The following SETX variants were observed in gnomAD, a reference collection of about 807,000 sequenced individuals.
The protein encoded by SETX is senataxin, also known as helicase senataxin.
SETX carries 90 observed loss-of-function variants against 227.2 expected under a neutral mutation model. That is an observed-to-expected ratio of 0.40 (90% CI 0.33 to 0.47). The LOEUF is 0.47. Among genes scored for constraint, SETX ranks in the 20% least tolerant of loss-of-function variants. SETX has a pLI of 0.91. For missense variants in SETX, 3,052 were observed against 3,181.5 expected (o/e 0.96, Z 0.98); for synonymous variants, 1,210 against 1,113.2 (o/e 1.09, Z -1.73).
At chr9:132,287,965 G>A (rs1468273764) in intron 17 of SETX, among the ~76,000 whole-genome samples, 1 of 152,088 alleles carries the variant, frequency 6.6e-6, no homozygotes, top group South Asian at 2.1e-4. Context: ...ACTTGAGGCC[G>A]GGAGTTCGAG....
intron 2 of SETX, among the ~76,000 whole-genome samples, chr9:132,350,252 A>T (rs1007301930): frequency 1.3e-5 from 2 of 152,178 alleles, no homozygotes; most frequent in African/African-American, 2.4e-5. Context: ...TGGGAGGCTG[A>T]GGCAGGAGTA....
chr9:132,338,822 ATCAGGGT>A (rs568715494), intron 5 of SETX, among the ~76,000 whole-genome samples: 42 of 152,226 alleles, frequency 2.8e-4, no homozygotes, highest in African/African-American at 8.2e-4. Flanking sequence ...GCACTGGCAG[ATCAGGGT>A]TCACTGCAGC....
intron 10 of SETX, among the ~76,000 whole-genome samples, chr9:132,314,906 GTTTTTT>G (rs559979271): frequency 2.3e-4 from 20 of 88,496 alleles, no homozygotes; most frequent in African/African-American, 6.4e-4. Flanking sequence ...ATTTTATTGT[GTTTTTT>G]TTTTTTTTTT....
chr9:132,314,975 C>T (rs958209481), intron 10 of SETX, among the ~76,000 whole-genome samples: 3 of 141,308 alleles, frequency 2.1e-5, no homozygotes, highest in Non-Finnish European at 4.5e-5. Flanking sequence ...TACAGTGGCA[C>T]GATCTCAGCT....
At position 132,264,166 on chromosome 9, in the gene SETX, T is replaced by G; in HGVS notation, c.*73A>C. 5.0e-6 allele frequency: 8 copies of G among 1,603,050 alleles called. No individual in the cohort carries two copies. Among genetic ancestry groups the G allele is most frequent in the Non-Finnish European group, 6.8e-6 (8 of 1,175,772 alleles). On this transcript the variant is annotated 3_prime_UTR_variant, in exon 26 of 26. Transcript: ENST00000224140. Reference sequence around the variant, plus strand: ...ACTCCTTACAAAAAACAAGCTTATCTAGATGGTCCCACGAGCTGGTCATCT... The same window carrying G: ...ACTCCTTACAAAAAACAAGCTTATCGAGATGGTCCCACGAGCTGGTCATCT...
Position 132,328,864 on chromosome 9 carries a change from G to A in SETX, c.2734C>T (p.Pro912Ser). The change falls in exon 10 of 26, where the codon CCC becomes TCC. Residue 912 changes from proline (P) to serine (S), a missense_variant. Physicochemically the swap from Pro to Ser is moderately conservative, Grantham distance 74. Around this residue, in one of 10 missense-constraint regions of SETX, gnomAD observed 1,483 missense variants for 1,312.0 expected, o/e 1.13. Coordinates refer to ENST00000224140, the MANE Select transcript of SETX (RefSeq NM_015046.7). ...MTNASEKKSSPFKDLMTVPES... is the reference protein window; with the variant it reads ...MTNASEKKSSSFKDLMTVPES... The stretch of plus-strand genomic sequence containing the variant: ...GGTACAGTCATAAGATCTTTAAAGG[G>A]AGATGATTTCTTCTCTGAAGCATTG... The A allele has an allele frequency of 4.3e-6, 7 of 1,614,000 alleles. No homozygotes were observed. The highest frequency in any genetic ancestry group is 5.1e-6 in the Non-Finnish European group (6 of 1,179,976).
In SETX at chr9:132,316,787, C is replaced by T. The variant is rs374847501; in HGVS notation, c.5275-4931G>A. Among the ~76,000 whole-genome samples, 3 of 152,290 alleles carry T rather than the reference C, an allele frequency of 2.0e-5. No individual in the cohort carries two copies. In the East Asian group the frequency reaches 5.8e-4, roughly 29 times the overall value. The stretch of plus-strand genomic sequence containing the variant: ...GTCTCCCACTGTTTCTCCGGGTATC[C>T]GCCTGCCCCGTGCCACTCTCGTATG... On this transcript the variant is annotated intron_variant, in intron 10 of 25. Coordinates refer to ENST00000224140, the MANE Select transcript of SETX (RefSeq NM_015046.7).
chr9:132,352,227 T>TGC (rs1848639759), intron 2 of SETX, among the ~76,000 whole-genome samples: 1 of 152,192 alleles, frequency 6.6e-6, no homozygotes, highest in Non-Finnish European at 1.5e-5. Flanking sequence ...CATATGAAAA[T>TGC]GCTGCCCATC....
intron 6 of SETX, 84 bp from the exon 7 acceptor site, chr9:132,334,811 C>T: frequency 6.9e-7 from 1 of 1,459,214 alleles, no homozygotes; most frequent in Non-Finnish European, 9.6e-7. Flanking sequence ...AATAACAAGG[C>T]AGGAAGATGA....
Position 132,261,612 on chromosome 9 carries a change from T to G in SETX, c.*2627A>C, listed in dbSNP as rs1418324663. The G allele has an allele frequency of 6.5e-6, 1 of 152,830 alleles. No homozygotes were observed. The highest frequency in any genetic ancestry group is 1.5e-5 in the Non-Finnish European group (1 of 68,188). 9.5% of individuals were successfully genotyped at this position (152,830 alleles called of 1,614,324 possible). On this transcript the variant is annotated 3_prime_UTR_variant, in exon 26 of 26. Coordinates refer to ENST00000224140, the MANE Select transcript of SETX (RefSeq NM_015046.7). ...ATTCACAGCATAGAAAAGTCAAAGC[T>G]ATAGCAAAAAATTGCTAATCTGCAC... is the stretch of plus-strand genomic sequence containing the variant.
intron 10 of SETX, among the ~76,000 whole-genome samples, 177 bp downstream of exon 10, chr9:132,326,147 A>C (rs1846736367): frequency 6.6e-6 from 1 of 151,636 alleles, no homozygotes; most frequent in Non-Finnish European, 1.5e-5. Context: ...GGCTCACTGC[A>C]ACCTCCGCCT....
chr9:132,351,803 T>C (rs1378270303), intron 2 of SETX, among the ~76,000 whole-genome samples: 2 of 152,210 alleles, frequency 1.3e-5, no homozygotes, highest in African/African-American at 4.8e-5. Context: ...TCTATTTTGT[T>C]AGTTTCATCA....
chr9:132,311,956 T>C (rs895923557), intron 10 of SETX, 100 bp from the exon 11 acceptor site: 3 of 957,512 alleles, frequency 3.1e-6, no homozygotes, highest in African/African-American at 3.3e-5. Context: ...ATCCAGAAGC[T>C]AGAATCTAGG....
rs1489799507 is a variant in SETX at position 132,261,917 on chromosome 9, G to T, written c.*2322C>A. ...AGCCACACTTCACACCTTGTAAAAAGAATAGCCCTGTTCAACAACGCTGCG... is the reference window on the plus strand; with the variant it reads ...AGCCACACTTCACACCTTGTAAAAATAATAGCCCTGTTCAACAACGCTGCG... On this transcript the variant is annotated 3_prime_UTR_variant, in exon 26 of 26. Coordinates refer to ENST00000224140, the MANE Select transcript of SETX (RefSeq NM_015046.7). The T allele has an allele frequency of 6.5e-6, 1 of 154,398 alleles. No individual in the cohort carries two copies. The highest frequency in any genetic ancestry group is 1.5e-5 in the Non-Finnish European group (1 of 68,216). The allele number at this position is 154,398 out of a possible 1,614,324, so 9.6% of individuals were successfully genotyped here.
intron 3 of SETX, among the ~76,000 whole-genome samples, chr9:132,348,910 C>T (rs980188618): frequency 6.6e-6 from 1 of 152,128 alleles, no homozygotes; most frequent in East Asian, 1.9e-4. Flanking sequence ...GCCTGGGCAA[C>T]AGAGCAAAGA....
chr9:132,342,882 T>C, intron 4 of SETX, 83 bp from the exon 5 acceptor site: 2 of 1,009,364 alleles, frequency 2.0e-6, no homozygotes, highest in Middle Eastern at 2.4e-4. Flanking sequence ...GGCTATTCTG[T>C]AAATAAATAA....
At chr9:132,307,924 C>T (rs1174788011) in intron 11 of SETX, among the ~76,000 whole-genome samples, 1 of 152,026 alleles carries the variant, frequency 6.6e-6, no homozygotes, top group Non-Finnish European at 1.5e-5. Context: ...GGTGATCTGC[C>T]CCTCGGCCTC....
At chr9:132,274,069 G>A (rs1173817067) in intron 23 of SETX, among the ~76,000 whole-genome samples, 1 of 150,908 alleles carries the variant, frequency 6.6e-6, no homozygotes, top group Non-Finnish European at 1.5e-5. Context: ...CTTCTAATAT[G>A]GTATATCATA....
At position 132,270,162 on chromosome 9, in the gene SETX, T is replaced by G. The variant is rs539377231; in HGVS notation, c.7200-460A>C. Among the ~76,000 whole-genome samples, 16 of 137,448 alleles carry G rather than the reference T, an allele frequency of 1.2e-4. No individual in the cohort carries two copies. In the South Asian group the frequency reaches 4.1e-3, roughly 35 times the overall value. The allele number at this position is 137,448 out of a possible 152,430, so 90.2% of individuals were successfully genotyped here. ...ACTCTAGAATGACTCAGCATCCTCATGTGAGACACAGGTGGACTCTAGAAT... is the reference window on the plus strand; with the variant it reads ...ACTCTAGAATGACTCAGCATCCTCAGGTGAGACACAGGTGGACTCTAGAAT... On this transcript the variant is annotated intron_variant, in intron 24 of 25. Coordinates refer to ENST00000224140, the MANE Select transcript of SETX (RefSeq NM_015046.7).
Sources: allele counts gnomAD v4.1 joint callset (sites outside exome capture counted in the v4.1 genomes callset), GRCh38; gene constraint gnomAD v4.1.1; regional missense constraint gnomAD v4.1.1; transcripts MANE v1.5; gene names NCBI Gene and HGNC (gene_info 2026-07-23, HGNC 2026-07-21).